TBCB: variants seen among roughly 807,000 people sequenced by gnomAD.
TBCB encodes tubulin-folding cofactor B.
In TBCB, 18 loss-of-function variants were observed where a neutral mutation model predicts 29.2. That is an observed-to-expected ratio of 0.62 (90% confidence interval 0.43 to 0.91). The LOEUF (loss-of-function observed/expected upper bound fraction) is 0.91, where lower values mean the gene tolerates loss of function less well. TBCB is among the 40% of genes least tolerant of loss of function. The pLI is 0.00. For synonymous variants in TBCB, 172 were observed against 137.8 expected (o/e 1.25, Z -1.74); for missense variants, 336 against 337.6 (o/e 1.00, Z 0.04).
In TBCB at chr19:36,121,514, C is replaced by G. The variant is rs1304637321; in HGVS notation, c.356-13C>G. 11 of 1,549,938 alleles carry G rather than the reference C, an allele frequency of 7.1e-6. No homozygotes were observed. The highest frequency in any genetic ancestry group is 9.6e-6 in the Non-Finnish European group (11 of 1,150,224). Reference sequence around the variant, plus strand: ...CCGACACCCCAACTGACCCCAGCCCCCTCTGCCCACAGACACGGTCCGCTC... The same window carrying G: ...CCGACACCCCAACTGACCCCAGCCCGCTCTGCCCACAGACACGGTCCGCTC... On this transcript the variant is annotated splice_polypyrimidine_tract_variant and intron_variant, in intron 3 of 5. Coordinates refer to ENST00000221855, the MANE Select transcript of TBCB (RefSeq NM_001281.3).
intron 2 of TBCB, among the ~76,000 whole-genome samples, chr19:36,117,550 C>T (rs536301670): frequency 6.6e-6 from 1 of 152,088 alleles, no homozygotes; most frequent in East Asian, 1.9e-4. Flanking sequence ...TGGGGTTTCA[C>T]CATGTTGGCC....
chr19:36,117,045 G>A (rs868266894), intron 2 of TBCB, among the ~76,000 whole-genome samples: 14 of 152,292 alleles, frequency 9.2e-5, no homozygotes, highest in Middle Eastern at 3.4e-3. Flanking sequence ...ATATGCCTGC[G>A]TGCCTCACCC....
chr19:36,121,601 G>C lies in TBCB; in HGVS notation c.430G>C (p.Glu144Gln). 1 of 1,554,884 alleles carries C rather than the reference G, an allele frequency of 6.4e-7. No individual in the cohort carries two copies. The highest frequency in any genetic ancestry group is 2.4e-5 in the East Asian group (1 of 41,480). ...GGAGGAGCGGGCTCAGCAGGAGGCCGAGGCCGCCCAGCGCCTGGCCGAGGA... is the reference window on the plus strand; with the variant it reads ...GGAGGAGCGGGCTCAGCAGGAGGCCCAGGCCGCCCAGCGCCTGGCCGAGGA... Reference protein sequence around the residue: ...NEEERAQQEAEAAQRLAEEKA... With the variant: ...NEEERAQQEAQAAQRLAEEKA... Residue 144 changes from glutamate to glutamine, a missense_variant, in exon 4 of 6, where the codon GAG (glutamate) becomes CAG (glutamine). Transcript: ENST00000221855.
chr19:36,118,697 A>G (rs1039766331), intron 2 of TBCB: 2 of 152,006 alleles, frequency 1.3e-5, no homozygotes, highest in African/African-American at 4.8e-5. Flanking sequence ...AAAAAAAAAA[A>G]AAAGGTTAAC....
chr19:36,124,545 GTTT>G (rs1195082231), intron 4 of TBCB, among the ~76,000 whole-genome samples: 1 of 150,832 alleles, frequency 6.6e-6, no homozygotes, highest in Non-Finnish European at 1.5e-5. Context: ...GTTTGGTTTT[GTTT>G]TTTTTCTTTT....
chr19:36,115,170 C>G (rs1283116664), upstream of TBCB: 2 of 556,774 alleles, frequency 3.6e-6, no homozygotes, highest in South Asian at 2.3e-5. Context: ...GCATCCAGGA[C>G]AGAAGCCAAG....
chr19:36,125,866 C>G lies in TBCB; in HGVS notation c.*84C>G, dbSNP rs1974131351. ...TGTGCCCATGGCCCTTTTCTCCTGA[C>G]CCCATTTTAATTTTATTCATTTTTT... On this transcript the variant is annotated 3_prime_UTR_variant, in exon 6 of 6. Transcript: ENST00000221855. 3.1e-6 allele frequency: 3 copies of G among 972,474 alleles called. No individual in the cohort carries two copies. Among genetic ancestry groups the G allele is most frequent in the African/African-American group, 1.7e-5 (1 of 59,880 alleles). 60.2% of individuals were successfully genotyped at this position (972,474 alleles called of 1,614,324 possible). A position where few individuals can be genotyped will look rare whatever the true frequency, so the allele number is the denominator to read the frequency against.
chr19:36,118,276 C>T (rs948088234), intron 2 of TBCB, among the ~76,000 whole-genome samples: 8 of 152,098 alleles, frequency 5.3e-5, no homozygotes, highest in African/African-American at 1.9e-4. Context: ...TGTGAAGGGT[C>T]AGGGGAGACA....
At chr19:36,115,182 C>A (rs2231570), upstream of TBCB, 5 of 546,146 alleles carry the variant, frequency 9.2e-6, no homozygotes, top group East Asian at 1.6e-4. Flanking sequence ...GAAGCCAAGG[C>A]GCTTGGCTTG....
intron 4 of TBCB, among the ~76,000 whole-genome samples, chr19:36,123,254 CTTTTTTTTT>C (rs201890657): frequency 7.6e-6 from 1 of 131,448 alleles, no homozygotes; most frequent in African/African-American, 2.9e-5. Flanking sequence ...GAACCTTCTT[CTTTTTTTTT>C]TTTTTTTTTT....
intron 4 of TBCB, chr19:36,122,171 C>G: frequency 3.9e-6 from 1 of 253,394 alleles, no homozygotes; most frequent in Middle Eastern, 1.5e-3. Context: ...GTAGCGGGTG[C>G]AGGTGAGCAG....
chr19:36,117,075 A>T (rs915577211), intron 2 of TBCB, among the ~76,000 whole-genome samples: 19 of 152,150 alleles, frequency 1.2e-4, no homozygotes, highest in African/African-American at 3.6e-4. Context: ...GTCTTAATTT[A>T]AAGTGTCAGT....
intron 4 of TBCB, chr19:36,121,921 C>T (rs1049317393): frequency 1.1e-5 from 8 of 695,956 alleles, no homozygotes; most frequent in African/African-American, 1.1e-4. Flanking sequence ...AAGTGGGAGG[C>T]GCAGGCGGAG....
chr19:36,115,356 G>A (rs1401086537), upstream of TBCB: 1 of 581,100 alleles, frequency 1.7e-6, no homozygotes, highest in Non-Finnish European at 3.0e-6. Flanking sequence ...TGGCTGGGCT[G>A]GCCCAAGAGT....
chr19:36,123,452 TG>T (rs1974090336), intron 4 of TBCB, among the ~76,000 whole-genome samples: 1 of 152,092 alleles, frequency 6.6e-6, no homozygotes, highest in African/African-American at 2.4e-5. Flanking sequence ...TTTTGTAGGA[TG>T]GGATTTCGCC....
At chr19:36,124,775 C>G (rs892255203) in intron 4 of TBCB, among the ~76,000 whole-genome samples, 17 of 152,094 alleles carry the variant, frequency 1.1e-4, no homozygotes, top group Admixed American at 4.6e-4. Context: ...GATCTCCTGA[C>G]CTCGTGATCC....
chr19:36,122,032 G>A (rs1974064038), intron 4 of TBCB: 4 of 463,540 alleles, frequency 8.6e-6, no homozygotes. Flanking sequence ...CGGGCGGCGT[G>A]ACCAAGGCAG....
intron 4 of TBCB, among the ~76,000 whole-genome samples, chr19:36,123,736 G>A (rs1193463485): frequency 1.6e-4 from 24 of 152,152 alleles, no homozygotes; most frequent in Admixed American, 1.2e-3. Flanking sequence ...TTAACTGGGC[G>A]TGGTGGCGGG....
intron 4 of TBCB, among the ~76,000 whole-genome samples, chr19:36,124,477 G>T (rs1475767587): frequency 6.6e-6 from 1 of 152,086 alleles, no homozygotes; most frequent in Non-Finnish European, 1.5e-5. Context: ...TGAGCTGGTG[G>T]ATCTCCCAAA....
Sources: gnomAD v4.1 joint callset for allele counts (sites outside exome capture counted in the v4.1 genomes callset) on GRCh38, gnomAD v4.1.1 for gene constraint, MANE v1.5 for transcripts, NCBI Gene and HGNC (gene_info 2026-07-23, HGNC 2026-07-21) for gene names.